Variants in TRRAP observed in about 807,000 individuals in gnomAD.
TRRAP encodes transformation/transcription domain-associated protein.
A neutral mutation model predicts 438.8 loss-of-function variants in TRRAP; 41 were observed. That is an observed-to-expected ratio of 0.09 (90% CI 0.07 to 0.12). The LOEUF is 0.12. Among genes scored for constraint, TRRAP ranks in the 10% least tolerant of loss-of-function variants. TRRAP has a pLI of 1.00. For synonymous variants in TRRAP, 1,994 were observed against 1,962.9 expected, an observed-to-expected ratio of 1.02 and a Z score of -0.42; for missense variants, 3,122 against 5,055.1, an observed-to-expected ratio of 0.62 and a Z score of 11.60.
chr7:98,956,488 C>G lies in TRRAP; in HGVS notation c.6186C>G (p.Ala2062=), dbSNP rs782689730. The G allele has an allele frequency of 2.9e-5, 47 of 1,614,176 alleles. No individual in the cohort carries two copies. Among genetic ancestry groups the G allele is most frequent in the Non-Finnish European group, 4.0e-5 (47 of 1,180,038 alleles). ...SIKRGLSVDS[A]QEVKRFRTAT... ...AGAGAGGCCTGTCCGTGGATTCTGC[C>G]CAGGAAGTGAAACGCTTTAGGACGG... Residue 2062 remains alanine, a synonymous_variant, in exon 43 of 73, where the codon GCC becomes GCG. Transcript: ENST00000456197. The surrounding 1 kb of genome is among the most constrained non-coding windows in gnomAD (Gnocchi z 4.5).
chr7:98,989,054 C>A, intron 63 of TRRAP, 88 bp downstream of exon 63: 2 of 1,396,848 alleles, frequency 1.4e-6, no homozygotes, highest in Non-Finnish European at 2.0e-6. Flanking sequence ...CTCATCCGTG[C>A]CGGGTGTGAG....
In TRRAP at chr7:98,948,164, C is replaced by T. The variant is rs1460498318; in HGVS notation, c.4549-57C>T. On this transcript the variant is annotated intron_variant, in intron 33 of 72. Transcript: ENST00000456197. This position sits in a 1 kb window ranked among gnomAD's most constrained non-coding sequence, Gnocchi z 4.9. ...ATAGTAGGGTCTGTAGTGACGTTGA[C>T]CTCTGTCACTTGCAAAATTAATCGA... 13 of 1,607,722 alleles carry T rather than the reference C, an allele frequency of 8.1e-6. No homozygotes were observed. The highest frequency in any genetic ancestry group is 1.3e-5 in the African/African-American group (1 of 74,900).
At chr7:99,007,098 A>G (rs1342430439) in intron 69 of TRRAP, among the ~76,000 whole-genome samples, 2 of 152,242 alleles carry the variant, frequency 1.3e-5, no homozygotes, top group African/African-American at 4.8e-5. Flanking sequence ...ATGTGTGGAC[A>G]GGGATTTACA....
rs528967912 is a variant in TRRAP at position 98,964,724 on chromosome 7, C to T, written c.6925C>T (p.Arg2309Trp). Residue 2309 changes from arginine to tryptophan, a missense_variant, in exon 48 of 73, where the codon CGG becomes TGG. Physicochemically the swap from Arg to Trp is moderately radical, Grantham distance 101 (BLOSUM62 -3). Transcript: ENST00000456197. ...VFMRSLQKMV[R>W]EHLNPQAASG... ...TATGCGCTCCCTGCAGAAGATGGTC[C>T]GGGAGCATTTAAACCCTCAGGCAGC... is the stretch of plus-strand genomic sequence containing the variant. 14 of 1,613,710 alleles carry T rather than the reference C, an allele frequency of 8.7e-6. No individual in the cohort carries two copies. The South Asian group carries it at 9.9e-5, about 11-fold the overall frequency.
At position 99,005,365 on chromosome 7, in the gene TRRAP, C is replaced by T; in HGVS notation, c.10753+17C>T. ...TTTTCACAGGTAGGGTTGAGAGCCA[C>T]AGCTCGCTGGGTACACAGGCAGCTT... On this transcript the variant is annotated intron_variant, in intron 69 of 72. Coordinates refer to ENST00000456197, the MANE Select transcript of TRRAP (RefSeq NM_001375524.1). This position sits in a 1 kb window ranked among gnomAD's most constrained non-coding sequence, Gnocchi z 5.1. The T allele has an allele frequency of 2.5e-6, 4 of 1,612,872 alleles. No individual in the cohort carries two copies. Among genetic ancestry groups the T allele is most frequent in the Non-Finnish European group, 3.4e-6 (4 of 1,179,206 alleles).
At position 98,895,736 on chromosome 7, in the gene TRRAP, CTATAACGAAA is replaced by C; in HGVS notation, c.451-27_451-18del. ...GTATTTTCTGTTTATGAATATCTTC[CTATAACGAAA>C]GTGTCTGCTTTTTTTAGATTCATCA... On this transcript the variant is annotated intron_variant, in intron 6 of 72. Transcript: ENST00000456197. 6.4e-7 allele frequency: 1 copy of C among 1,569,746 alleles called. No individual in the cohort carries two copies. Among genetic ancestry groups the C allele is most frequent in the Non-Finnish European group, 8.7e-7 (1 of 1,154,650 alleles).
chr7:98,926,161 CAT>C lies in TRRAP; in HGVS notation c.2975+899_2975+900del, dbSNP rs373782415. 3.3e-5 allele frequency among the ~76,000 whole-genome samples: 5 copies of C among 152,116 alleles called. No individual in the cohort carries two copies. The East Asian group carries it at 9.6e-4, about 29-fold the overall frequency. The stretch of plus-strand genomic sequence containing the variant: ...GGAAAATTCAAGAGAGAGTAAGAGA[CAT>C]GAAGAGTAGAGGGAAGTAGCATCAT... On this transcript the variant is annotated intron_variant, in intron 22 of 72. Transcript: ENST00000456197.
intron 62 of TRRAP, among the ~76,000 whole-genome samples, chr7:98,987,603 G>A (rs1793207581): frequency 6.6e-6 from 1 of 152,186 alleles, no homozygotes; most frequent in Non-Finnish European, 1.5e-5. Flanking sequence ...CTTCTTTTCT[G>A]TGTATAAGAT....
chr7:98,901,391 A>G (rs1357689505), intron 11 of TRRAP, among the ~76,000 whole-genome samples: 1 of 152,222 alleles, frequency 6.6e-6, no homozygotes, highest in African/African-American at 2.4e-5. Context: ...ATACAGTCAC[A>G]TATGGAGTTA....
chr7:98,940,335 C>T (rs1554415292), intron 30 of TRRAP, among the ~76,000 whole-genome samples: 1 of 151,982 alleles, frequency 6.6e-6, no homozygotes, highest in Non-Finnish European at 1.5e-5. Context: ...ATTATAGGCA[C>T]CTGCCGCCAC....
At chr7:98,953,006 C>A (rs1005428451) in intron 39 of TRRAP, among the ~76,000 whole-genome samples, 161 bp from the exon 40 acceptor site, 2 of 135,858 alleles carry the variant, frequency 1.5e-5, no homozygotes, top group African/African-American at 2.6e-5. Context: ...TTATTGATAA[C>A]CTCCTTGTAA....
chr7:98,983,419 C>T lies in TRRAP; in HGVS notation c.8982C>T (p.His2994=), dbSNP rs1378420717. ...RLPIVSDDLS[H]WSSIFMWRQH... ...CCATCGTGTCTGACGACTTGTCCCACTGGAGCAGCATCTTCATGTGGAGGC... is the reference window on the plus strand; with the variant it reads ...CCATCGTGTCTGACGACTTGTCCCATTGGAGCAGCATCTTCATGTGGAGGC... Residue 2994 remains histidine, a synonymous_variant, in exon 60 of 73, where the codon CAC becomes CAT. Coordinates refer to ENST00000456197, the MANE Select transcript of TRRAP (RefSeq NM_001375524.1). The T allele has an allele frequency of 1.2e-6, 2 of 1,614,110 alleles. No homozygotes were observed. The highest frequency in any genetic ancestry group is 1.7e-5 in the Admixed American group (1 of 60,010).
intron 6 of TRRAP, 42 bp from the exon 7 acceptor site, chr7:98,895,722 T>G: frequency 6.6e-7 from 1 of 1,521,584 alleles, no homozygotes; most frequent in Non-Finnish European, 8.9e-7. Flanking sequence ...TATTTTCTGT[T>G]TATGAATATC....
intron 23 of TRRAP, among the ~76,000 whole-genome samples, chr7:98,928,286 C>T (rs1790147285): frequency 6.6e-6 from 1 of 152,094 alleles, no homozygotes; most frequent in South Asian, 2.1e-4. Flanking sequence ...CCAGTTGCTA[C>T]ATAAGTTTCT....
chr7:98,884,105 C>T (rs574271469), intron 3 of TRRAP, among the ~76,000 whole-genome samples: 1 of 152,140 alleles, frequency 6.6e-6, no homozygotes, highest in African/African-American at 2.4e-5. Context: ...TATTCTAGGA[C>T]ATGGTCTAGC....
chr7:98,903,181 C>G (rs1443960521), intron 11 of TRRAP, among the ~76,000 whole-genome samples, 198 bp from the exon 12 acceptor site: 1 of 152,152 alleles, frequency 6.6e-6, no homozygotes, highest in Non-Finnish European at 1.5e-5. Context: ...GCCATCACAC[C>G]CAGCTAATTT....
chr7:98,998,820 C>A (rs898738212), intron 67 of TRRAP: 3 of 270,382 alleles, frequency 1.1e-5, no homozygotes, highest in African/African-American at 4.5e-5. Context: ...ACCTCTGTTA[C>A]AGAAATCTTG....
chr7:98,991,336 C>T (rs1793422058), intron 64 of TRRAP, among the ~76,000 whole-genome samples: 1 of 152,186 alleles, frequency 6.6e-6, no homozygotes, highest in Non-Finnish European at 1.5e-5. Context: ...AGGAGCTGGG[C>T]CCGCGCGTTC....
intron 67 of TRRAP, among the ~76,000 whole-genome samples, chr7:99,001,311 A>G (rs1332332634): frequency 6.6e-6 from 1 of 152,234 alleles, no homozygotes; most frequent in African/African-American, 2.4e-5. Context: ...CTCCCCGTCT[A>G]TACGTGAAGC....
Sources: gnomAD v4.1 joint callset for allele counts (sites outside exome capture counted in the v4.1 genomes callset) on GRCh38, gnomAD v4.1.1 for gene constraint, Gnocchi (gnomAD v3.1) non-coding constraint, MANE v1.5 for transcripts, NCBI Gene and HGNC (gene_info 2026-07-23, HGNC 2026-07-21) for gene names.